NEGR1: variants seen among roughly 807,000 people sequenced by gnomAD.
The protein encoded by NEGR1 is IgLON family member 4.
Under a neutral mutation model 40.9 loss-of-function variants are expected in NEGR1, and 10 were observed. That is an observed-to-expected ratio of 0.24 (90% CI 0.15 to 0.42). The LOEUF (loss-of-function observed/expected upper bound fraction) is 0.42. Ranked by LOEUF, NEGR1 falls within the 10% of genes least tolerant of loss-of-function variation. NEGR1 has a pLI of 1.00. For missense variants in NEGR1, 352 were observed against 438.9 expected (o/e 0.80, Z 1.77); for synonymous variants, 185 against 166.8 (o/e 1.11, Z -0.84).
intron 1 of NEGR1, among the ~76,000 whole-genome samples, chr1:72,189,743 A>G (rs1410502282): frequency 6.6e-6 from 1 of 151,604 alleles, no homozygotes; most frequent in African/African-American, 2.4e-5. Flanking sequence ...ATTTCTTTCT[A>G]CAAAGCAAGT....
chr1:71,588,277 C>A lies in NEGR1; in HGVS notation c.940+4540G>T, dbSNP rs1320109217. Among the ~76,000 whole-genome samples the A allele has an allele frequency of 2.6e-5, 4 of 152,038 alleles. No individual in the cohort carries two copies. In the East Asian group the frequency reaches 7.7e-4, roughly 29 times the overall value. On this transcript the variant is annotated intron_variant, in intron 6 of 6. Coordinates refer to ENST00000357731, the MANE Select transcript of NEGR1 (RefSeq NM_173808.3). ...AAAATAACAATAAAATAACAAATAT[C>A]TTTGAATCCCCAATTTTTTATTTAA...
At chr1:72,067,268 T>A (rs1647298757) in intron 1 of NEGR1, among the ~76,000 whole-genome samples, 6 of 152,120 alleles carry the variant, frequency 3.9e-5, no homozygotes, top group Admixed American at 2.0e-4. Flanking sequence ...TTTGTTGTGG[T>A]GTAACAGTGT....
chr1:71,754,509 A>C (rs1337524809), intron 3 of NEGR1, among the ~76,000 whole-genome samples: 1 of 152,174 alleles, frequency 6.6e-6, no homozygotes, highest in Non-Finnish European at 1.5e-5. Context: ...TGTTGAAGCC[A>C]AATGATAGAT....
intron 6 of NEGR1, among the ~76,000 whole-genome samples, chr1:71,575,611 G>A (rs574321133): frequency 4.5e-4 from 69 of 152,112 alleles, no homozygotes; most frequent in African/African-American, 1.5e-3. Context: ...GTGAAACCCC[G>A]TCTCTACTAA....
intron 1 of NEGR1, among the ~76,000 whole-genome samples, chr1:72,075,050 AC>A (rs1647662539): frequency 6.6e-6 from 1 of 152,132 alleles, no homozygotes; most frequent in African/African-American, 2.4e-5. Flanking sequence ...CTTATTCCCA[AC>A]TGATATGACA....
In NEGR1 at chr1:71,736,490, C is replaced by G. The variant is rs568276759; in HGVS notation, c.536-38351G>C. On this transcript the variant is annotated intron_variant, in intron 3 of 6. Coordinates refer to ENST00000357731, the MANE Select transcript of NEGR1 (RefSeq NM_173808.3). ...TTCGAGCAGCAATCATAGAGAAAGT[C>G]ATAATGTGCTGCAGTAATTATTAAT... 4.6e-5 allele frequency among the ~76,000 whole-genome samples: 7 copies of G among 152,230 alleles called. No homozygotes were observed. In the East Asian group the frequency reaches 1.4e-3, roughly 29 times the overall value.
At position 72,282,410 on chromosome 1, in the gene NEGR1, G is replaced by C; in HGVS notation, c.85C>G (p.Pro29Ala). ...CTCTGTCCAGCCGGGAGGCAGGAGGGTAGCAGGCAGCACAGGCTGAGGAGC... is the reference window on the plus strand; with the variant it reads ...CTCTGTCCAGCCGGGAGGCAGGAGGCTAGCAGGCAGCACAGGCTGAGGAGC... ...AVLLSLCCLL[P>A]SCLPAGQSVD... is the part of the protein sequence containing the mutation. Residue 29 changes from proline (P) to alanine (A), a missense_variant, in exon 1 of 7, where the codon CCC (proline) becomes GCC (alanine). By Grantham distance (27) the Pro-to-Ala change is conservative. This residue lies in a region of NEGR1 where 81 missense variants were observed against 85.8 expected (regional missense o/e 0.94). Coordinates refer to ENST00000357731, the MANE Select transcript of NEGR1 (RefSeq NM_173808.3). 1 of 1,613,854 alleles carries C rather than the reference G, an allele frequency of 6.2e-7. No individual in the cohort carries two copies. Among genetic ancestry groups the C allele is most frequent in the Non-Finnish European group, 8.5e-7 (1 of 1,179,964 alleles).
intron 6 of NEGR1, among the ~76,000 whole-genome samples, chr1:71,512,513 T>C (rs1182812464): frequency 3.3e-5 from 5 of 152,098 alleles, no homozygotes; most frequent in Non-Finnish European, 7.4e-5. Context: ...ACAGCATCTG[T>C]TGACAGGAAA....
intron 1 of NEGR1, among the ~76,000 whole-genome samples, chr1:71,994,695 G>C (rs1481716507): frequency 6.6e-6 from 1 of 152,036 alleles, no homozygotes; most frequent in Admixed American, 6.5e-5. Flanking sequence ...TATACCTCTT[G>C]GAGGGAAGAA....
At chr1:71,558,551 C>A (rs1648329022) in intron 6 of NEGR1, among the ~76,000 whole-genome samples, 1 of 151,280 alleles carries the variant, frequency 6.6e-6, no homozygotes. Flanking sequence ...TCAGTATGGA[C>A]TAGTGGATAT....
intron 6 of NEGR1, among the ~76,000 whole-genome samples, chr1:71,561,856 T>C (rs1228872934): frequency 2.7e-5 from 4 of 150,868 alleles, no homozygotes; most frequent in Admixed American, 2.0e-4. Flanking sequence ...CTTTCTTTCA[T>C]GAATATGCAT....
intron 1 of NEGR1, among the ~76,000 whole-genome samples, chr1:72,241,135 T>A (rs1409118576): frequency 1.3e-5 from 2 of 151,758 alleles, no homozygotes; most frequent in African/African-American, 4.8e-5. Context: ...GCTAATGTCA[T>A]TTTTCAATGG....
At chr1:72,238,787 G>A (rs1197161583) in intron 1 of NEGR1, among the ~76,000 whole-genome samples, 1 of 151,896 alleles carries the variant, frequency 6.6e-6, no homozygotes, top group Non-Finnish European at 1.5e-5. Context: ...AGTTCAGAAA[G>A]ATACTTGGTT....
chr1:71,983,877 A>G (rs1279767741), intron 1 of NEGR1, among the ~76,000 whole-genome samples: 2 of 152,168 alleles, frequency 1.3e-5, no homozygotes, highest in Non-Finnish European at 2.9e-5. Flanking sequence ...ACTACTCAAC[A>G]TATTTTTTAC....
intron 6 of NEGR1, among the ~76,000 whole-genome samples, chr1:71,447,611 C>A (rs1234013128): frequency 6.6e-6 from 1 of 152,162 alleles, no homozygotes; most frequent in Non-Finnish European, 1.5e-5. Context: ...TCATACTTTA[C>A]CATCTTTGAA....
rs140425306 is a variant in NEGR1 at position 72,150,817 on chromosome 1, A to T, written c.176+131502T>A. ...CAAAAAATGGTAATTTTACTTATTC[A>T]CATATTTTTTGCAATGTCATTCTAC... is the stretch of plus-strand genomic sequence containing the variant. On this transcript the variant is annotated intron_variant, in intron 1 of 6. Coordinates refer to ENST00000357731, the MANE Select transcript of NEGR1 (RefSeq NM_173808.3). Among the ~76,000 whole-genome samples the T allele has an allele frequency of 6.9e-3, 1,050 of 152,202 alleles. 10 individuals are homozygous for T. The highest frequency in any genetic ancestry group is 0.024 in the African/African-American group (981 of 41,560).
At chr1:71,896,385 T>A (rs915319617) in intron 2 of NEGR1, among the ~76,000 whole-genome samples, 1 of 152,204 alleles carries the variant, frequency 6.6e-6, no homozygotes, top group Non-Finnish European at 1.5e-5. Flanking sequence ...GACCACTTTC[T>A]AATTGAGTTA....
intron 1 of NEGR1, among the ~76,000 whole-genome samples, chr1:72,211,006 T>C (rs1653584621): frequency 1.3e-5 from 2 of 151,824 alleles, no homozygotes; most frequent in African/African-American, 2.4e-5. Context: ...ACTCATGAAA[T>C]TATATACAAT....
intron 6 of NEGR1, among the ~76,000 whole-genome samples, chr1:71,563,219 T>C (rs1022650321): frequency 9.9e-5 from 15 of 152,022 alleles, no homozygotes; most frequent in African/African-American, 3.1e-4. Flanking sequence ...TGCAACAAGA[T>C]AACAGTTCAG....
Sources: gnomAD v4.1 joint callset for allele counts (sites outside exome capture counted in the v4.1 genomes callset) on GRCh38, gnomAD v4.1.1 for gene constraint, gnomAD v4.1.1 regional missense constraint, MANE v1.5 for transcripts, NCBI Gene and HGNC (gene_info 2026-07-23, HGNC 2026-07-21) for gene names.